The following ATR variants were observed in gnomAD, a reference collection of about 807,000 sequenced individuals.
ATR encodes ATR checkpoint kinase.
Under a neutral mutation model 305.3 loss-of-function variants are expected in ATR, and 142 were observed. The observed-to-expected ratio is 0.47, with a 90% CI of 0.41 to 0.53. The LOEUF is 0.53. ATR is among the 20% of genes least tolerant of loss of function. The pLI is 0.00. For missense variants in ATR, 2,135 were observed against 3,133.1 expected (o/e 0.68, Z 7.60); for synonymous variants, 1,050 against 1,068.1 (o/e 0.98, Z 0.33).
At chr3:142,561,178 G>T in intron 5 of ATR, 65 bp downstream of exon 5, 1 of 1,551,602 alleles carries the variant, frequency 6.4e-7, no homozygotes, top group Non-Finnish European at 8.9e-7. Context: ...AACTAAAGCT[G>T]ATTTTTAAAA....
At position 142,519,746 on chromosome 3, in the gene ATR, G is replaced by A; in HGVS notation, c.4305C>T (p.Thr1435=). 6.2e-7 allele frequency: 1 copy of A among 1,613,970 alleles called. No homozygotes were observed. The highest frequency in any genetic ancestry group is 8.5e-7 in the Non-Finnish European group (1 of 1,179,912). The stretch of plus-strand genomic sequence containing the variant: ...TCCACAATTGGTGACCTGGGCCGTT[G>A]GTCTCCATCTCTCTACAGTCATAAA... ...LSIYDCREME[T]NGPGHQLWRR... The change falls in exon 24 of 47, where the codon ACC becomes ACT. Residue 1435 remains threonine (T), a synonymous_variant. Transcript: ENST00000350721.
rs2108279073 is a variant in ATR at position 142,469,444 on chromosome 3, T to A, written c.6445A>T (p.Ile2149Phe). The change falls in exon 38 of 47, where the codon ATT (isoleucine) becomes TTT (phenylalanine). Residue 2149 changes from isoleucine (I) to phenylalanine (F), a missense_variant. Ile to Phe is a conservative substitution (Grantham distance 21). Around this residue, in one of 9 missense-constraint regions of ATR, gnomAD observed 462 missense variants for 887.6 expected, o/e 0.52. Transcript: ENST00000350721. ...AAAACTTCATCGTGAGAATGACAAA[T>A]TCGAGAGATCAATTGTGAAAAAGCA... ...LTAFSQLISR[I>F]CHSHDEVFVV... The A allele has an allele frequency of 6.2e-7, 1 of 1,613,920 alleles. No individual in the cohort carries two copies. The highest frequency in any genetic ancestry group is 1.3e-5 in the African/African-American group (1 of 75,020).
rs532642380 is a variant in ATR at position 142,473,615 on chromosome 3, G to A, written c.6222-3432C>T. Among the ~76,000 whole-genome samples, 11 of 150,824 alleles carry A rather than the reference G, an allele frequency of 7.3e-5. No individual in the cohort carries two copies. In the South Asian group the frequency reaches 1.7e-3, roughly 23 times the overall value. On this transcript the variant is annotated intron_variant, in intron 36 of 46. Coordinates refer to ENST00000350721, the MANE Select transcript of ATR (RefSeq NM_001184.4). ...GGCTGGAGTGCAATGGCACAATCTCGGCTCACTGTAACCTCCACCTCCCGG... is the reference window on the plus strand; with the variant it reads ...GGCTGGAGTGCAATGGCACAATCTCAGCTCACTGTAACCTCCACCTCCCGG...
chr3:142,488,394 T>C (rs1213473494), intron 35 of ATR, among the ~76,000 whole-genome samples: 1 of 152,134 alleles, frequency 6.6e-6, no homozygotes, highest in Non-Finnish European at 1.5e-5. Flanking sequence ...ATTACCTCTT[T>C]TGATTGGGCC....
chr3:142,568,009 G>A, intron 2 of ATR, 54 bp downstream of exon 2: 1 of 1,366,992 alleles, frequency 7.3e-7, no homozygotes, highest in South Asian at 1.3e-5. Context: ...ATTTATACAT[G>A]GAAAAGAAAA....
rs561006732 is a variant in ATR, at chr3:142,479,226, C to T, written c.6221+5914G>A. Reference sequence around the variant, plus strand: ...GGCATGTTTCTGCAGTGGCTGGTACCGATTGTTCCTTTCCATGTTTAGTGC... The same window carrying T: ...GGCATGTTTCTGCAGTGGCTGGTACTGATTGTTCCTTTCCATGTTTAGTGC... On this transcript the variant is annotated intron_variant, in intron 36 of 46. Coordinates refer to ENST00000350721, the MANE Select transcript of ATR (RefSeq NM_001184.4). Among the ~76,000 whole-genome samples, 5 of 152,176 alleles carry T rather than the reference C, an allele frequency of 3.3e-5. No individual in the cohort carries two copies. The South Asian group carries it at 6.2e-4, about 19-fold the overall frequency.
chr3:142,519,546 C>T (rs374115101), intron 24 of ATR, 123 bp downstream of exon 24: 52 of 718,248 alleles, frequency 7.2e-5, no homozygotes, highest in Middle Eastern at 4.0e-4. Flanking sequence ...GTGATCCGCC[C>T]GCCTCAGCCT....
intron 46 of ATR, chr3:142,451,123 TA>T (rs1172188336): frequency 7.9e-7 from 1 of 1,260,840 alleles, no homozygotes; most frequent in African/African-American, 1.6e-5. Flanking sequence ...TGCTCAGGTG[TA>T]ATTCCCTCCT....
At chr3:142,525,503 T>G (rs940013788) in intron 21 of ATR, among the ~76,000 whole-genome samples, 3 of 152,164 alleles carry the variant, frequency 2.0e-5, no homozygotes, top group Admixed American at 2.0e-4. Flanking sequence ...CTGAAATCGT[T>G]ATAACATCAA....
At chr3:142,513,842 CAT>C (rs1186318214) in intron 25 of ATR, among the ~76,000 whole-genome samples, 1 of 151,386 alleles carries the variant, frequency 6.6e-6, no homozygotes, top group East Asian at 1.9e-4. Context: ...CTGTTGAACT[CAT>C]AAAATTTTAA....
At chr3:142,453,265 T>C in intron 45 of ATR, 32 bp from the exon 46 acceptor site, 3 of 1,602,280 alleles carry the variant, frequency 1.9e-6, no homozygotes, top group Non-Finnish European at 8.5e-7. Flanking sequence ...TGGTATGATG[T>C]TATCTTTGCA....
At position 142,556,496 on chromosome 3, in the gene ATR, A is replaced by G. The variant is rs755229139; in HGVS notation, c.1965T>C (p.Val655=). ...GGGAGCTCTGCAGGGCCCAGTTGTAAACTGCTGTTCTCCACTCAAGGAATA... is the reference window on the plus strand; with the variant it reads ...GGGAGCTCTGCAGGGCCCAGTTGTAGACTGCTGTTCTCCACTCAAGGAATA... ...RRIFLEWRTA[V]YNWALQSSHE... is the part of the protein sequence containing the mutation. The change falls in exon 9 of 47, where the codon GTT becomes GTC. Residue 655 remains valine, a synonymous_variant. Transcript: ENST00000350721. 1 of 1,614,094 alleles carries G rather than the reference A, an allele frequency of 6.2e-7. No individual in the cohort carries two copies. The highest frequency in any genetic ancestry group is 8.5e-7 in the Non-Finnish European group (1 of 1,179,960).
chr3:142,540,754 T>G (rs1577661694), intron 18 of ATR, 150 bp downstream of exon 18: 1 of 1,055,228 alleles, frequency 9.5e-7, no homozygotes, highest in East Asian at 2.6e-5. Context: ...TTAAAAGAAG[T>G]AAATATGTTC....
At chr3:142,463,499 C>T (rs1379069397) in intron 41 of ATR, among the ~76,000 whole-genome samples, 1 of 152,158 alleles carries the variant, frequency 6.6e-6, no homozygotes, top group Non-Finnish European at 1.5e-5. Flanking sequence ...CAGGCTCAAC[C>T]AATTCTCATG....
intron 36 of ATR, among the ~76,000 whole-genome samples, chr3:142,476,723 T>G (rs1034599440): frequency 6.6e-6 from 1 of 152,250 alleles, no homozygotes; most frequent in Non-Finnish European, 1.5e-5. Flanking sequence ...TTCCTATCCA[T>G]GAGCATGGAA....
At chr3:142,533,613 C>T (rs374435500) in intron 21 of ATR, among the ~76,000 whole-genome samples, 1 of 152,134 alleles carries the variant, frequency 6.6e-6, no homozygotes, top group Non-Finnish European at 1.5e-5. Context: ...GTTTCTGGAT[C>T]TTTATTCTTT....
At chr3:142,481,151 G>A (rs1340148558) in intron 36 of ATR, among the ~76,000 whole-genome samples, 1 of 152,258 alleles carries the variant, frequency 6.6e-6, no homozygotes, top group Non-Finnish European at 1.5e-5. Context: ...AGTTGGAAAT[G>A]CAGAAATCAC....
intron 7 of ATR, 102 bp from the exon 8 acceptor site, chr3:142,558,878 G>A (rs2034778648): frequency 2.5e-6 from 3 of 1,216,966 alleles, no homozygotes; most frequent in East Asian, 5.2e-5. Flanking sequence ...ATGATCATTG[G>A]ATAAGCAGAA....
chr3:142,473,676 G>A lies in ATR; in HGVS notation c.6222-3493C>T, dbSNP rs181693293. ...CTCTCCTGCCTCAACCTCCTGAGTA[G>A]CTAGGATTACAGGTGCATGCCACCA... On this transcript the variant is annotated intron_variant, in intron 36 of 46. Coordinates refer to ENST00000350721, the MANE Select transcript of ATR (RefSeq NM_001184.4). Among the ~76,000 whole-genome samples the A allele has an allele frequency of 5.8e-3, 886 of 151,798 alleles. 11 individuals are homozygous for A. The highest frequency in any genetic ancestry group is 0.021 in the African/African-American group (853 of 41,348).
Sources: gnomAD v4.1 joint callset for allele counts (sites outside exome capture counted in the v4.1 genomes callset) on GRCh38, gnomAD v4.1.1 for gene constraint, gnomAD v4.1.1 regional missense constraint, MANE v1.5 for transcripts, NCBI Gene and HGNC (gene_info 2026-07-23, HGNC 2026-07-21) for gene names.